Variants in STIM1 observed in about 807,000 individuals in gnomAD.
The protein encoded by STIM1 is stromal interaction molecule 1.
A neutral mutation model predicts 74.7 loss-of-function variants in STIM1; 25 were observed. The ratio of observed to expected loss-of-function variants is 0.33; its 90% CI spans 0.24 to 0.47. The LOEUF (loss-of-function observed/expected upper bound fraction) is 0.47. STIM1 is among the 20% of genes least tolerant of loss of function. STIM1 has a pLI of 1.00. For synonymous variants in STIM1, 328 were observed against 348.8 expected, an observed-to-expected ratio of 0.94 and a Z score of 0.66; for missense variants, 728 against 920.8, an observed-to-expected ratio of 0.79 and a Z score of 2.71.
chr11:3,891,176 T>C (rs553785481), intron 1 of STIM1, among the ~76,000 whole-genome samples: 1 of 152,354 alleles, frequency 6.6e-6, no homozygotes, highest in East Asian at 1.9e-4. Flanking sequence ...AGATGAAGAA[T>C]CTAAAGTCAT....
At chr11:3,980,875 T>C (rs1024720252) in intron 2 of STIM1, among the ~76,000 whole-genome samples, 3 of 152,118 alleles carry the variant, frequency 2.0e-5, no homozygotes, top group African/African-American at 7.2e-5. Context: ...AGCAAACCTT[T>C]CCCCTTCCCC....
rs1012633421 is a variant in STIM1 at position 3,893,631 on chromosome 11, T to C, written c.139+37222T>C. On this transcript the variant is annotated intron_variant, in intron 1 of 12. Coordinates refer to ENST00000526596, the MANE Select transcript of STIM1 (RefSeq NM_001382567.1). ...TATATGGTTGATAATTGTATATGGT[T>C]GGTTAAAATCTGGGTCAACATTTTT... Among the ~76,000 whole-genome samples, 3 of 151,354 alleles carry C rather than the reference T, an allele frequency of 2.0e-5. No homozygotes were observed. The Admixed American group carries it at 2.0e-4, about 10-fold the overall frequency.
intron 1 of STIM1, among the ~76,000 whole-genome samples, chr11:3,922,967 C>T (rs533474883): frequency 1.3e-5 from 2 of 151,904 alleles, no homozygotes; most frequent in African/African-American, 2.4e-5. Flanking sequence ...GGCATGGTAG[C>T]GGGCGCCTGT....
chr11:3,992,061 C>T (rs1295268412), intron 2 of STIM1, among the ~76,000 whole-genome samples: 2 of 134,482 alleles, frequency 1.5e-5, no homozygotes, highest in Non-Finnish European at 3.1e-5. Context: ...TTTCTTTTCT[C>T]TGCAGCCTTG....
chr11:4,039,924 C>T (rs979965853), intron 3 of STIM1, among the ~76,000 whole-genome samples: 82 of 151,976 alleles, frequency 5.4e-4, no homozygotes, highest in South Asian at 4.2e-4. Flanking sequence ...CCCACGATGA[C>T]GCCCAGCTAA....
At chr11:3,910,297 A>T (rs1362601281) in intron 1 of STIM1, among the ~76,000 whole-genome samples, 1 of 152,200 alleles carries the variant, frequency 6.6e-6, no homozygotes, top group Non-Finnish European at 1.5e-5. Flanking sequence ...AGAAAAGAGT[A>T]TGGCAGTTTA....
chr11:4,045,913 C>T (rs1421501675), intron 3 of STIM1, among the ~76,000 whole-genome samples: 5 of 150,630 alleles, frequency 3.3e-5, no homozygotes, highest in Admixed American at 2.0e-4. Flanking sequence ...ATTACAGGCA[C>T]GTGACACCAT....
intron 2 of STIM1, among the ~76,000 whole-genome samples, chr11:4,000,119 G>A (rs2093699893): frequency 6.6e-6 from 1 of 151,974 alleles, no homozygotes; most frequent in Non-Finnish European, 1.5e-5. Context: ...GGCTCAAGGA[G>A]GCCTGCCTGC....
At chr11:4,034,586 C>T (rs10742223) in intron 3 of STIM1, among the ~76,000 whole-genome samples, 87,492 of 151,952 alleles carry the variant, frequency 0.58, 27,294 homozygotes, top group African/African-American at 0.84. Flanking sequence ...TGGTTTGTAG[C>T]TTTCTTAAAA....
chr11:3,999,796 T>G (rs1177426274), intron 2 of STIM1: 1 of 152,470 alleles, frequency 6.6e-6, no homozygotes, highest in Non-Finnish European at 1.5e-5. Flanking sequence ...ACTCGGGAAG[T>G]GCAAGGGATC....
chr11:4,037,095 G>A (rs1039247447), intron 3 of STIM1, among the ~76,000 whole-genome samples: 3 of 146,946 alleles, frequency 2.0e-5, no homozygotes, highest in Non-Finnish European at 3.0e-5. Flanking sequence ...TCGCTCTGTT[G>A]CCCAGGCTAG....
intron 2 of STIM1, among the ~76,000 whole-genome samples, chr11:4,002,799 G>C (rs1216329251): frequency 6.7e-6 from 1 of 149,214 alleles, no homozygotes; most frequent in Non-Finnish European, 1.5e-5. Context: ...GAATCCAGGA[G>C]CCGGTTTTTT....
intron 7 of STIM1, among the ~76,000 whole-genome samples, chr11:4,075,656 T>A (rs562120600): frequency 6.6e-6 from 1 of 152,364 alleles, no homozygotes; most frequent in African/African-American, 2.4e-5. Context: ...GTCTGCAGTT[T>A]TGTTGACTTT....
chr11:3,983,624 G>A (rs2093528539), intron 2 of STIM1, among the ~76,000 whole-genome samples: 1 of 152,114 alleles, frequency 6.6e-6, no homozygotes, highest in Non-Finnish European at 1.5e-5. Flanking sequence ...AAGACAGCCA[G>A]CCAAGTGGCT....
rs35716064 is a variant in STIM1, at chr11:4,030,326, CAAA to C, written c.385+6353_385+6355del. Reference sequence around the variant, plus strand: ...TGGGTGAAAGAGTGAAACTCCATCTCAAAAAAAAAAAAAAAAGAAAGAAAGAAA... The same window carrying C: ...TGGGTGAAAGAGTGAAACTCCATCTCAAAAAAAAAAAAAGAAAGAAAGAAA... On this transcript the variant is annotated intron_variant, in intron 3 of 12. Coordinates refer to ENST00000526596, the MANE Select transcript of STIM1 (RefSeq NM_001382567.1). 7.4e-3 allele frequency among the ~76,000 whole-genome samples: 914 copies of C among 122,868 alleles called. 10 individuals are homozygous for C. Among genetic ancestry groups the C allele is most frequent in the African/African-American group, 0.024 (855 of 35,044 alleles). The allele number at this position is 122,868 out of a possible 152,430, so 80.6% of individuals were successfully genotyped here.
chr11:3,875,467 T>G (rs7936691), intron 1 of STIM1, among the ~76,000 whole-genome samples: 1 of 152,184 alleles, frequency 6.6e-6, no homozygotes, highest in African/African-American at 2.4e-5. Flanking sequence ...GGCTCATGCT[T>G]GTAATCCCAG....
intron 2 of STIM1, among the ~76,000 whole-genome samples, chr11:3,977,702 C>T (rs1040637517): frequency 6.6e-6 from 1 of 152,168 alleles, no homozygotes; most frequent in Admixed American, 6.5e-5. Context: ...CAAAACTTGG[C>T]TTTGCCACTT....
intron 7 of STIM1, among the ~76,000 whole-genome samples, chr11:4,080,280 T>C (rs893270705): frequency 6.6e-6 from 1 of 151,908 alleles, no homozygotes; most frequent in South Asian, 2.1e-4. Context: ...CCCCATGTGT[T>C]TACAGTATGT....
intron 1 of STIM1, among the ~76,000 whole-genome samples, chr11:3,873,018 A>G (rs2091170458): frequency 6.6e-6 from 1 of 150,744 alleles, no homozygotes; most frequent in Non-Finnish European, 1.5e-5. Flanking sequence ...GCATGATCAT[A>G]GTTCACTGTA....
Sources: gnomAD v4.1 joint callset for allele counts (sites outside exome capture counted in the v4.1 genomes callset) on GRCh38, gnomAD v4.1.1 for gene constraint, MANE v1.5 for transcripts, NCBI Gene and HGNC (gene_info 2026-07-23, HGNC 2026-07-21) for gene names.